Variants in MPPED1 observed in about 807,000 individuals in gnomAD.
MPPED1 encodes metallophosphoesterase domain containing 1.
In MPPED1, 16 loss-of-function variants were observed where a neutral mutation model predicts 36.2. That is an observed-to-expected ratio of 0.44 (90% confidence interval 0.30 to 0.67). The LOEUF (loss-of-function observed/expected upper bound fraction) is 0.67, where lower values mean the gene tolerates loss of function less well. Among genes scored for constraint, MPPED1 ranks in the 30% least tolerant of loss-of-function variants. MPPED1 has a pLI of 0.10. For synonymous variants in MPPED1, 199 were observed against 191.3 expected, an observed-to-expected ratio of 1.04 and a Z score of -0.33; for missense variants, 307 against 453.4, an observed-to-expected ratio of 0.68 and a Z score of 2.93.
chr22:43,502,679 G>A lies in MPPED1; in HGVS notation c.784G>A (p.Val262Met), dbSNP rs754378651. The change falls in exon 6 of 7, where the codon GTG becomes ATG. Residue 262 changes from valine to methionine, a missense_variant. Coordinates refer to ENST00000443721, the MANE Select transcript of MPPED1 (RefSeq NM_001044370.2). The surrounding 1 kb of genome is among the most constrained non-coding windows in gnomAD (Gnocchi z 5.5). ...LDWVPKKMQR[V>M]GCVELLNTVQ... ...CTGGGTCCCCAAGAAGATGCAGCGG[G>A]TGGGCTGTGTGGAGCTGCTCAACAC... 6.2e-7 allele frequency: 1 copy of A among 1,613,286 alleles called. No individual in the cohort carries two copies. Among genetic ancestry groups the A allele is most frequent in the South Asian group, 1.1e-5 (1 of 91,080 alleles).
At chr22:43,414,455 A>G (rs1418347755) in intron 1 of MPPED1, among the ~76,000 whole-genome samples, 1 of 152,168 alleles carries the variant, frequency 6.6e-6, no homozygotes. Context: ...AACCCTCCCC[A>G]AAGTGCAATC....
rs1294313660 is a variant in MPPED1 at position 43,433,467 on chromosome 22, TGGA to T, written c.225-1562_225-1560del. Among the ~76,000 whole-genome samples the T allele has an allele frequency of 1.7e-3, 255 of 152,124 alleles. 1 individual carries two copies. The highest frequency in any genetic ancestry group is 5.5e-3 in the African/African-American group (230 of 41,484). ...GTGAATGAGTGAGTGAATGAGTGAA[TGGA>T]GGAGAAGAGGAAAAGCTCCTAGCAC... On this transcript the variant is annotated intron_variant, in intron 2 of 6. Coordinates refer to ENST00000443721, the MANE Select transcript of MPPED1 (RefSeq NM_001044370.2).
At chr22:43,475,484 G>C (rs77134230) in intron 4 of MPPED1, among the ~76,000 whole-genome samples, 1 of 3,188 alleles carries the variant, frequency 3.1e-4, no homozygotes, top group Non-Finnish European at 7.4e-4. Flanking sequence ...TGATGGTGAT[G>C]GTGATGATGG....
rs897153601 is a variant in MPPED1, at chr22:43,460,063, C to T, written c.407-14673C>T. Among the ~76,000 whole-genome samples the T allele has an allele frequency of 9.9e-5, 15 of 151,900 alleles. 1 individual carries two copies. Among genetic ancestry groups the T allele is most frequent in the South Asian group, 6.2e-4 (3 of 4,816 alleles). On this transcript the variant is annotated intron_variant, in intron 3 of 6. Transcript: ENST00000443721. ...CTCTACTAAAAATACAAAAATTAGC[C>T]GGGTGTGGTGGCATGTGCCTGTAGT...
rs1036474588 is a variant in MPPED1, at chr22:43,474,439, G to T, written c.407-297G>T. On this transcript the variant is annotated intron_variant, in intron 3 of 6. Coordinates refer to ENST00000443721, the MANE Select transcript of MPPED1 (RefSeq NM_001044370.2). This position sits in a 1 kb window ranked among gnomAD's most constrained non-coding sequence, Gnocchi z 5.2. ...GATCTGATGAAGACACCTGTTGGGG[G>T]CCTGGCAGCAGGTACCCCTGTCAGC... is the stretch of plus-strand genomic sequence containing the variant. 1.3e-5 allele frequency among the ~76,000 whole-genome samples: 2 copies of T among 152,252 alleles called. No individual in the cohort carries two copies. The highest frequency in any genetic ancestry group is 6.5e-5 in the Admixed American group (1 of 15,288).
At chr22:43,424,165 C>T (rs1347639461) in intron 1 of MPPED1, among the ~76,000 whole-genome samples, 5 of 152,220 alleles carry the variant, frequency 3.3e-5, no homozygotes, top group South Asian at 2.1e-4. Context: ...CAAAGATTGA[C>T]GGGGCACATT....
chr22:43,497,815 G>T, intron 4 of MPPED1, among the ~76,000 whole-genome samples: 1 of 150,892 alleles, frequency 6.6e-6, no homozygotes. Context: ...AGGATGGAGG[G>T]GCATCTTCCT....
intron 4 of MPPED1, among the ~76,000 whole-genome samples, chr22:43,493,602 G>C (rs1932169011): frequency 6.6e-6 from 1 of 152,234 alleles, no homozygotes; most frequent in South Asian, 2.1e-4. Flanking sequence ...GGGAGCCTCA[G>C]TGTCCTCATC....
intron 3 of MPPED1, among the ~76,000 whole-genome samples, chr22:43,449,853 G>A (rs1361560984): frequency 6.9e-6 from 1 of 145,850 alleles, no homozygotes; most frequent in Non-Finnish European, 1.5e-5. Context: ...ACAAGATAAT[G>A]CAGGTGAAGT....
intron 3 of MPPED1, among the ~76,000 whole-genome samples, chr22:43,445,131 T>C (rs1278482340): frequency 6.6e-6 from 1 of 152,222 alleles, no homozygotes; most frequent in African/African-American, 2.4e-5. Context: ...CTGTAGCATG[T>C]TTGACATCCA....
At chr22:43,501,672 A>G (rs1034266314) in intron 5 of MPPED1, among the ~76,000 whole-genome samples, 1 of 152,068 alleles carries the variant, frequency 6.6e-6, no homozygotes, top group African/African-American at 2.4e-5. Flanking sequence ...CCAGCACTCT[A>G]TTGGATGAAA....
intron 1 of MPPED1, among the ~76,000 whole-genome samples, chr22:43,422,601 G>A (rs1047600628): frequency 1.3e-5 from 2 of 152,158 alleles, no homozygotes; most frequent in Non-Finnish European, 2.9e-5. Context: ...GGCACCCCTT[G>A]CTCCTGGAAC....
At chr22:43,424,816 G>A (rs71329190) in intron 1 of MPPED1, 92 bp from the exon 2 acceptor site, 27 of 1,405,290 alleles carry the variant, frequency 1.9e-5, no homozygotes, top group East Asian at 1.8e-4. Flanking sequence ...CTCTCCCCCC[G>A]CCCTCTCCCT....
chr22:43,420,591 A>G (rs1329061706), intron 1 of MPPED1, among the ~76,000 whole-genome samples: 4 of 152,002 alleles, frequency 2.6e-5, no homozygotes, highest in Non-Finnish European at 4.4e-5. Context: ...TAGTAGAGAC[A>G]GGGTTTCTCC....
intron 4 of MPPED1, among the ~76,000 whole-genome samples, chr22:43,488,260 C>G (rs1168687735): frequency 7.2e-6 from 1 of 139,746 alleles, no homozygotes; most frequent in Non-Finnish European, 1.7e-5. Context: ...CCCCCAAGGC[C>G]CCAGCACTCC....
intron 3 of MPPED1, among the ~76,000 whole-genome samples, chr22:43,467,345 C>T (rs1312413516): frequency 1.3e-5 from 2 of 152,206 alleles, no homozygotes; most frequent in African/African-American, 4.8e-5. Flanking sequence ...CTTCTGCAGG[C>T]GCAGCCCTGC....
intron 4 of MPPED1, among the ~76,000 whole-genome samples, chr22:43,495,624 AGATGGTGGTGGT>A (rs1201043459): frequency 1.9e-5 from 1 of 52,900 alleles, no homozygotes; most frequent in African/African-American, 5.7e-5. Context: ...GTAGTGGTGG[AGATGGTGGTGGT>A]GGAGGTGATG....
rs562720645 is a variant in MPPED1, at chr22:43,482,256, A to G, written c.632+7295A>G. Among the ~76,000 whole-genome samples the G allele has an allele frequency of 3.3e-5, 5 of 152,314 alleles. No individual in the cohort carries two copies. In the East Asian group the frequency reaches 9.7e-4, roughly 29 times the overall value. On this transcript the variant is annotated intron_variant, in intron 4 of 6. Coordinates refer to ENST00000443721, the MANE Select transcript of MPPED1 (RefSeq NM_001044370.2). ...GAGAGAGTGAAATTGGCACGCAGCG[A>G]GTCCATCTGGTCTAATTACTTCTGG...
In MPPED1 at chr22:43,415,217, G is replaced by A. The variant is rs1409521934; in HGVS notation, c.-79+3059G>A. 3.4e-4 allele frequency among the ~76,000 whole-genome samples: 10 copies of A among 29,586 alleles called. 2 individuals are homozygous for A. The South Asian group carries it at 0.021, about 62-fold the overall frequency. The allele number at this position is 29,586 out of a possible 152,430, so 19.4% of individuals were successfully genotyped here. A position where few individuals can be genotyped will look rare whatever the true frequency, so the allele number is the denominator to read the frequency against. On this transcript the variant is annotated intron_variant, in intron 1 of 6. Coordinates refer to ENST00000443721, the MANE Select transcript of MPPED1 (RefSeq NM_001044370.2). ...TTGAGTTTGAAGAGGTGACTAAAAT[G>A]TCAAAAGCAAAAAAAAAAAAAAAAA...
Sources: gnomAD v4.1 joint callset for allele counts (sites outside exome capture counted in the v4.1 genomes callset) on GRCh38, gnomAD v4.1.1 for gene constraint, Gnocchi (gnomAD v3.1) non-coding constraint, MANE v1.5 for transcripts, NCBI Gene and HGNC (gene_info 2026-07-23, HGNC 2026-07-21) for gene names.